The following CNTLN variants were observed in gnomAD, a reference collection of about 807,000 sequenced individuals.
CNTLN encodes the protein centlein.
CNTLN carries 212 observed loss-of-function variants against 180.0 expected under a neutral mutation model. That is an observed-to-expected ratio of 1.18 (90% CI 1.05 to 1.32). The LOEUF is 1.32. Ranked by LOEUF, CNTLN falls within the 40% of genes most tolerant of loss-of-function variation. CNTLN has a pLI of 0.00. For missense variants in CNTLN, 2,095 were observed against 1,610.9 expected (o/e 1.30, Z -5.14); for synonymous variants, 722 against 563.1 (o/e 1.28, Z -3.99).
chr9:17,340,763 A>G (rs1821415239), intron 10 of CNTLN, 64 bp from the exon 11 acceptor site: 3 of 1,390,124 alleles, frequency 2.2e-6, no homozygotes, highest in South Asian at 3.1e-5. Context: ...GTAACCTTTT[A>G]TTTGAAACAT....
intron 5 of CNTLN, among the ~76,000 whole-genome samples, chr9:17,267,439 T>C (rs534187516): frequency 1.1e-4 from 17 of 152,300 alleles, no homozygotes; most frequent in South Asian, 4.2e-4. Flanking sequence ...CCTTTGTGGG[T>C]AACCCGACCT....
chr9:17,408,417 C>A (rs888916093), intron 15 of CNTLN, among the ~76,000 whole-genome samples: 1 of 151,992 alleles, frequency 6.6e-6, no homozygotes, highest in Non-Finnish European at 1.5e-5. Context: ...TGTTTCCTGT[C>A]CCTCTACCCT....
At chr9:17,291,845 A>G (rs547106718) in intron 6 of CNTLN, among the ~76,000 whole-genome samples, 124 of 152,266 alleles carry the variant, frequency 8.1e-4, no homozygotes, top group African/African-American at 2.8e-3. Flanking sequence ...TGATCCTGTT[A>G]TGATGGTAGC....
intron 6 of CNTLN, among the ~76,000 whole-genome samples, chr9:17,283,768 C>T (rs1165452021): frequency 2.0e-5 from 3 of 152,086 alleles, no homozygotes; most frequent in Non-Finnish European, 2.9e-5. Context: ...AGGTATGTTC[C>T]ATCAATACCT....
chr9:17,487,484 T>C, intron 25 of CNTLN, among the ~76,000 whole-genome samples: 1 of 152,156 alleles, frequency 6.6e-6, no homozygotes, highest in East Asian at 1.9e-4. Flanking sequence ...CATGTTTTCC[T>C]CACAGCCAGA....
chr9:17,258,118 G>T (rs199723522), intron 5 of CNTLN, among the ~76,000 whole-genome samples: 1 of 145,846 alleles, frequency 6.9e-6, no homozygotes, highest in Non-Finnish European at 1.5e-5. Context: ...TAGGTCTAAC[G>T]TTTAAGTCTT....
chr9:17,136,342 A>T (rs1817714548), intron 1 of CNTLN, among the ~76,000 whole-genome samples: 1 of 152,140 alleles, frequency 6.6e-6, no homozygotes, highest in Non-Finnish European at 1.5e-5. Flanking sequence ...AGTTTAATAA[A>T]ACAGTTCATG....
At chr9:17,472,248 T>A (rs758079865) in intron 23 of CNTLN, among the ~76,000 whole-genome samples, 1 of 152,146 alleles carries the variant, frequency 6.6e-6, no homozygotes, top group Admixed American at 6.5e-5. Context: ...GGAATTCCTG[T>A]ATTATTCATA....
intron 15 of CNTLN, among the ~76,000 whole-genome samples, chr9:17,398,878 T>G (rs887441850): frequency 6.6e-6 from 1 of 152,156 alleles, no homozygotes; most frequent in Non-Finnish European, 1.5e-5. Context: ...CTCTCTTATC[T>G]CCCGCTAAAA....
intron 12 of CNTLN, among the ~76,000 whole-genome samples, chr9:17,352,908 T>C (rs1489317746): frequency 6.6e-6 from 1 of 152,236 alleles, no homozygotes; most frequent in Non-Finnish European, 1.5e-5. Flanking sequence ...TTTTTATGGC[T>C]GAATAATATC....
rs551774703 is a variant in CNTLN at position 17,330,543 on chromosome 9, A to G, written c.1342-89A>G. On this transcript the variant is annotated intron_variant, in intron 8 of 25. Coordinates refer to ENST00000380647, the MANE Select transcript of CNTLN (RefSeq NM_017738.4). ...CCTTCTCTGAATATTTACAATTTCT[A>G]TAATATAGTGTTACATTTAACTATT... The G allele has an allele frequency of 8.4e-5, 59 of 701,852 alleles. No individual in the cohort carries two copies. The East Asian group carries it at 1.2e-3, about 15-fold the overall frequency. 43.5% of individuals were successfully genotyped at this position (701,852 alleles called of 1,614,324 possible). A position where few individuals can be genotyped will look rare whatever the true frequency, so the allele number is the denominator to read the frequency against.
chr9:17,476,681 C>G (rs1832366822), intron 23 of CNTLN, among the ~76,000 whole-genome samples: 1 of 152,196 alleles, frequency 6.6e-6, no homozygotes, highest in South Asian at 2.1e-4. Context: ...GAGCAGGGCC[C>G]TGTCTTCAGT....
At chr9:17,301,997 T>A (rs1174255403) in intron 7 of CNTLN, 2 of 979,764 alleles carry the variant, frequency 2.0e-6, no homozygotes, top group East Asian at 2.3e-4. Context: ...ATATGTTATT[T>A]GTTTTACTAT....
At chr9:17,430,496 A>T (rs1326517085) in intron 18 of CNTLN, among the ~76,000 whole-genome samples, 1 of 151,998 alleles carries the variant, frequency 6.6e-6, no homozygotes, top group Non-Finnish European at 1.5e-5. Context: ...AATTGTATGC[A>T]TTGTGTGGGT....
intron 13 of CNTLN, among the ~76,000 whole-genome samples, chr9:17,372,705 A>T (rs952604221): frequency 4.6e-5 from 7 of 152,158 alleles, no homozygotes; most frequent in Admixed American, 3.9e-4. Context: ...ATCCCTGATG[A>T]ACATTGATGC....
intron 3 of CNTLN, among the ~76,000 whole-genome samples, chr9:17,228,125 A>C (rs1824589061): frequency 1.3e-5 from 2 of 152,106 alleles, no homozygotes; most frequent in Admixed American, 6.6e-5. Context: ...AAAATCTTTA[A>C]TATCCTTAGG....
intron 13 of CNTLN, among the ~76,000 whole-genome samples, chr9:17,387,214 G>A (rs555293324): frequency 6.6e-6 from 1 of 152,166 alleles, no homozygotes; most frequent in South Asian, 2.1e-4. Context: ...TTTTTCCTTT[G>A]TTGAGAAATC....
chr9:17,380,368 G>A (rs1825140611), intron 13 of CNTLN, among the ~76,000 whole-genome samples: 1 of 152,184 alleles, frequency 6.6e-6, no homozygotes, highest in African/African-American at 2.4e-5. Flanking sequence ...AAACACCTAA[G>A]CAAGCCTCAG....
intron 15 of CNTLN, among the ~76,000 whole-genome samples, chr9:17,403,333 A>G (rs1827129925): frequency 6.6e-6 from 1 of 151,676 alleles, no homozygotes; most frequent in Non-Finnish European, 1.5e-5. Flanking sequence ...TAATCTTCCA[A>G]TTTTTCCTTG....
Sources: gnomAD v4.1 joint callset for allele counts (sites outside exome capture counted in the v4.1 genomes callset) on GRCh38, gnomAD v4.1.1 for gene constraint, MANE v1.5 for transcripts, NCBI Gene and HGNC (gene_info 2026-07-23, HGNC 2026-07-21) for gene names.